SIGLEC6: variants seen among roughly 807,000 people sequenced by gnomAD.
SIGLEC6 encodes sialic acid binding Ig like lectin 6, also known as sialic acid-binding Ig-like lectin 6.
SIGLEC6 carries 31 observed loss-of-function variants against 41.4 expected under a neutral mutation model. The observed-to-expected ratio is 0.75, with a 90% CI of 0.56 to 1.01. The LOEUF (loss-of-function observed/expected upper bound fraction) is 1.01. SIGLEC6 is among the 50% of genes least tolerant of loss of function. The pLI, the probability that SIGLEC6 is intolerant of heterozygous loss-of-function variation, is 0.00. For missense variants in SIGLEC6, 555 were observed against 558.6 expected, an observed-to-expected ratio of 0.99 and a Z score of 0.06; for synonymous variants, 217 against 231.0, an observed-to-expected ratio of 0.94 and a Z score of 0.55.
At chr19:51,521,802 A>C (rs1258612004) in intron 7 of SIGLEC6, among the ~76,000 whole-genome samples, 2 of 152,200 alleles carry the variant, frequency 1.3e-5, no homozygotes, top group Non-Finnish European at 2.9e-5. Flanking sequence ...TCCCAGCATA[A>C]TTAGAAAACT....
chr19:51,530,525 G>A, intron 3 of SIGLEC6, 41 bp from the exon 4 acceptor site: 10 of 1,613,588 alleles, frequency 6.2e-6, no homozygotes, highest in Non-Finnish European at 8.5e-6. Context: ...TCCCTGAGGA[G>A]GGATGGTAGG....
intron 7 of SIGLEC6, among the ~76,000 whole-genome samples, chr19:51,523,625 G>C (rs1978671264): frequency 2.0e-5 from 3 of 152,186 alleles, no homozygotes; most frequent in Admixed American, 2.0e-4. Flanking sequence ...TCAGCAGTCT[G>C]ATGGAACTGG....
chr19:51,517,889 C>T lies in SIGLEC6; in HGVS notation c.*2193G>A, dbSNP rs181548018. Among the ~76,000 whole-genome samples the T allele has an allele frequency of 4.9e-4, 74 of 152,192 alleles. No individual in the cohort carries two copies. Among genetic ancestry groups the T allele is most frequent in the African/African-American group, 1.7e-3 (71 of 41,536 alleles). The stretch of plus-strand genomic sequence containing the variant: ...CTTTATGTAATATAAATTCTATTTA[C>T]ACTCTTCTGAACTTTATGTTATTAT... On this transcript the variant is annotated 3_prime_UTR_variant, in exon 8 of 8. Coordinates refer to ENST00000425629, the MANE Select transcript of SIGLEC6 (RefSeq NM_001245.7).
intron 7 of SIGLEC6, among the ~76,000 whole-genome samples, chr19:51,523,652 G>A (rs901629015): frequency 1.3e-5 from 2 of 152,164 alleles, no homozygotes; most frequent in Non-Finnish European, 2.9e-5. Flanking sequence ...CAAATTTGAT[G>A]TTCCAGGTCT....
In SIGLEC6 at chr19:51,529,947, A is replaced by G. The variant is rs751656833; in HGVS notation, c.789T>C (p.Pro263=). The G allele has an allele frequency of 1.2e-6, 2 of 1,606,800 alleles. No homozygotes were observed. Residue 263 remains proline (P), a synonymous_variant, in exon 5 of 8, where the codon CCT becomes CCC. Coordinates refer to ENST00000425629, the MANE Select transcript of SIGLEC6 (RefSeq NM_001245.7). ...GCCGCAGAGCCTGGCCCTCCAGGACAGGGAGGGACGAGGTGTTTTGCAGGA... is the reference window on the plus strand; with the variant it reads ...GCCGCAGAGCCTGGCCCTCCAGGACGGGGAGGGACGAGGTGTTTTGCAGGA... ...FKILQNTSSL[P]VLEGQALRLL...
chr19:51,521,198 G>A (rs563739454), intron 7 of SIGLEC6, among the ~76,000 whole-genome samples: 1 of 152,290 alleles, frequency 6.6e-6, no homozygotes, highest in South Asian at 2.1e-4. Flanking sequence ...TGAAAGTAAA[G>A]CATGGTAAAG....
intron 4 of SIGLEC6, 51 bp downstream of exon 4, chr19:51,530,386 C>T (rs1980058474): frequency 6.6e-7 from 1 of 1,525,738 alleles, no homozygotes; most frequent in Non-Finnish European, 9.1e-7. Context: ...CCGTTAGTCC[C>T]CACTCTGCTT....
chr19:51,530,633 T>C (rs747816167), intron 3 of SIGLEC6, 48 bp downstream of exon 3: 68 of 1,610,550 alleles, frequency 4.2e-5, no homozygotes, highest in Non-Finnish European at 5.3e-5. Flanking sequence ...AGCCCTGCCC[T>C]GTCCCCCCAC....
chr19:51,528,305 C>A, intron 5 of SIGLEC6, 52 bp from the exon 6 acceptor site: 1 of 1,477,736 alleles, frequency 6.8e-7, no homozygotes, highest in Non-Finnish European at 9.5e-7. Context: ...GACATCCTCC[C>A]AACAGCCATT....
Position 51,520,175 on chromosome 19 carries a change from C to T in SIGLEC6, c.1269G>A (p.Glu423=), listed in dbSNP as rs1311218618. 1.9e-6 allele frequency: 3 copies of T among 1,609,064 alleles called. No homozygotes were observed. The highest frequency in any genetic ancestry group is 1.1e-5 in the South Asian group (1 of 90,532). Residue 423 remains glutamate, a synonymous_variant, in exon 8 of 8, where the codon GAG becomes GAA. Coordinates refer to ENST00000425629, the MANE Select transcript of SIGLEC6 (RefSeq NM_001245.7). ...EAGPISEDEQ[E]LHYAVLHFHK... is the part of the protein sequence containing the mutation. ...GGAAGTGTAGGACAGCGTAGTGGAG[C>T]TCCTGCTCATCTTCTGAGATGGGGC... is the stretch of plus-strand genomic sequence containing the variant.
Position 51,531,206 on chromosome 19 carries a change from C to A in SIGLEC6, c.381G>T (p.Trp127Cys). The A allele has an allele frequency of 6.2e-7, 1 of 1,610,050 alleles. No individual in the cohort carries two copies. The highest frequency in any genetic ancestry group is 8.5e-7 in the Non-Finnish European group (1 of 1,177,664). ...TGGAAGATGTATAACCGTATTTCAT[C>A]CATTTGGACTTCAACCGAAAGAAGT... ...AAYFFRLKSK[W>C]MKYGYTSSKL... Residue 127 changes from tryptophan (W) to cysteine (C), a missense_variant, in exon 2 of 8, where the codon TGG becomes TGT. Trp to Cys is a radical substitution (Grantham distance 215, BLOSUM62 -2). Transcript: ENST00000425629.
intron 3 of SIGLEC6, 87 bp downstream of exon 3, chr19:51,530,594 A>G (rs1440201146): frequency 3.1e-6 from 5 of 1,606,464 alleles, no homozygotes; most frequent in Admixed American, 1.7e-5. Flanking sequence ...CTCTTTGGCA[A>G]CCAGGTCCCC....
intron 7 of SIGLEC6, among the ~76,000 whole-genome samples, chr19:51,525,586 T>A (rs1423168983): frequency 6.6e-6 from 1 of 152,144 alleles, no homozygotes; most frequent in East Asian, 1.9e-4. Context: ...ACCCACAGGC[T>A]CTTTGCCATT....
chr19:51,529,414 T>C (rs4146202), intron 5 of SIGLEC6: 234,801 of 399,388 alleles, frequency 0.59, 70,163 homozygotes, highest in Admixed American at 0.67. Context: ...GCCTCAAAGC[T>C]GAGCCTGAGA....
At chr19:51,528,596 G>A (rs143895156) in intron 5 of SIGLEC6, 2 of 351,082 alleles carry the variant, frequency 5.7e-6, no homozygotes, top group African/African-American at 4.2e-5. Flanking sequence ...GACCTGATTT[G>A]GAGAAGGGTC....
Position 51,520,241 on chromosome 19 carries a change from C to T in SIGLEC6, c.1203G>A (p.Gln401=). 3 of 1,590,600 alleles carry T rather than the reference C, an allele frequency of 1.9e-6. No individual in the cohort carries two copies. Among genetic ancestry groups the T allele is most frequent in the Non-Finnish European group, 2.6e-6 (3 of 1,162,780 alleles). ...GGTCTGAAACTATGCCTGTCTGGAA[C>T]TGGTGCTGATGACCCTTAATGGAAG... ...MVSGSRGHQH[Q]FQTGIVSDHP... is the part of the protein sequence containing the mutation. The change falls in exon 8 of 8, where the codon CAG becomes CAA. Residue 401 remains glutamine (Q), a synonymous_variant. Transcript: ENST00000425629.
chr19:51,529,508 C>T (rs993554889), intron 5 of SIGLEC6: 25 of 599,476 alleles, frequency 4.2e-5, no homozygotes, highest in South Asian at 3.0e-4. Context: ...GGAGCCATGG[C>T]TGCTGTTCCC....
chr19:51,524,496 GCAGA>G (rs1194208701), intron 7 of SIGLEC6, among the ~76,000 whole-genome samples: 5 of 152,268 alleles, frequency 3.3e-5, no homozygotes, highest in Admixed American at 1.3e-4. Flanking sequence ...GTAAAAATAA[GCAGA>G]CAGAGAATCA....
At chr19:51,527,092 G>C (rs1374742737) in intron 7 of SIGLEC6, among the ~76,000 whole-genome samples, 4 of 152,304 alleles carry the variant, frequency 2.6e-5, no homozygotes, top group Admixed American at 2.0e-4. Context: ...AAGAGAAGGA[G>C]AGAGAGCAAG....
Sources: allele counts gnomAD v4.1 joint callset (sites outside exome capture counted in the v4.1 genomes callset), GRCh38; gene constraint gnomAD v4.1.1; transcripts MANE v1.5; gene names NCBI Gene and HGNC (gene_info 2026-07-23, HGNC 2026-07-21).